The following UBA2 variants were observed in gnomAD, a reference collection of about 807,000 sequenced individuals.
The protein encoded by UBA2 is SUMO-activating enzyme subunit 2.
A neutral mutation model predicts 77.2 loss-of-function variants in UBA2; 11 were observed. The ratio of observed to expected loss-of-function variants is 0.14; its 90% CI spans 0.09 to 0.24. The LOEUF (loss-of-function observed/expected upper bound fraction) is 0.24, where lower values mean the gene tolerates loss of function less well. Among genes scored for constraint, UBA2 ranks in the 10% least tolerant of loss-of-function variants. UBA2 has a pLI of 1.00. For missense variants in UBA2, 487 were observed against 781.7 expected (o/e 0.62, Z 4.50); for synonymous variants, 278 against 276.7 (o/e 1.00, Z -0.05).
At chr19:34,458,412 T>C (rs1198393195) in intron 12 of UBA2, among the ~76,000 whole-genome samples, 2 of 150,890 alleles carry the variant, frequency 1.3e-5, no homozygotes, top group Non-Finnish European at 3.0e-5. Flanking sequence ...TACAAAAAAT[T>C]AGCCGGGCGA....
intron 6 of UBA2, among the ~76,000 whole-genome samples, chr19:34,441,227 G>A (rs1463117386): frequency 1.3e-5 from 2 of 151,980 alleles, no homozygotes; most frequent in Non-Finnish European, 2.9e-5. Context: ...AGGCTGAGGC[G>A]AGCGGATCAC....
chr19:34,444,684 G>C (rs142594825), intron 7 of UBA2, among the ~76,000 whole-genome samples: 87 of 152,320 alleles, frequency 5.7e-4, no homozygotes, highest in Non-Finnish European at 9.4e-4. Context: ...GTGCATACCT[G>C]TAGTCCCAAC....
chr19:34,456,339 C>T (rs2145551761), intron 12 of UBA2, among the ~76,000 whole-genome samples: 1 of 151,380 alleles, frequency 6.6e-6, no homozygotes, highest in Middle Eastern at 3.4e-3. Context: ...GTCTCAAACT[C>T]CTGGCCTGAA....
Position 34,460,570 on chromosome 19 carries a change from T to C in UBA2, c.1498+4T>C. 1.3e-6 allele frequency: 2 copies of C among 1,585,322 alleles called. No homozygotes were observed. Among genetic ancestry groups the C allele is most frequent in the East Asian group, 2.2e-5 (1 of 44,664 alleles). ...TCCGAAGAGGGAGAGACGGAAGGTA[T>C]CATACATTGTATTTATTCATTCCTC... On this transcript the variant is annotated splice_donor_region_variant and intron_variant, in intron 14 of 16. Coordinates refer to ENST00000246548, the MANE Select transcript of UBA2 (RefSeq NM_005499.3).
chr19:34,455,914 A>G (rs1205060698), intron 12 of UBA2, among the ~76,000 whole-genome samples: 1 of 151,230 alleles, frequency 6.6e-6, no homozygotes, highest in Non-Finnish European at 1.5e-5. Context: ...TGCTGGGATT[A>G]CAGGCATACA....
intron 12 of UBA2, among the ~76,000 whole-genome samples, chr19:34,456,603 G>A (rs899751041): frequency 1.3e-5 from 2 of 151,240 alleles, no homozygotes; most frequent in African/African-American, 4.9e-5. Flanking sequence ...TGTCACCCAG[G>A]CTAGAGTGCA....
chr19:34,445,619 G>A (rs1376112724), intron 8 of UBA2, among the ~76,000 whole-genome samples: 2 of 151,972 alleles, frequency 1.3e-5, no homozygotes, highest in African/African-American at 2.4e-5. Context: ...TGTATTTTTA[G>A]TAGAAGCGGG....
intron 12 of UBA2, among the ~76,000 whole-genome samples, chr19:34,457,368 A>C (rs2075579965): frequency 6.6e-6 from 1 of 151,638 alleles, no homozygotes; most frequent in Admixed American, 6.6e-5. Flanking sequence ...CTCTGCCTCA[A>C]GAAAAAATAT....
chr19:34,443,497 A>C (rs1049749046), intron 6 of UBA2, among the ~76,000 whole-genome samples: 1 of 142,038 alleles, frequency 7.0e-6, no homozygotes, highest in Non-Finnish European at 1.5e-5. Flanking sequence ...GCCGGAGTGC[A>C]GTTGTGCAGT....
chr19:34,458,032 C>G (rs763935686), intron 12 of UBA2, among the ~76,000 whole-genome samples: 1 of 152,226 alleles, frequency 6.6e-6, no homozygotes, highest in African/African-American at 2.4e-5. Context: ...GTGAAAGGCA[C>G]TATCGTTAAC....
intron 16 of UBA2, among the ~76,000 whole-genome samples, chr19:34,467,628 T>G (rs886371799): frequency 6.6e-6 from 1 of 152,022 alleles, no homozygotes; most frequent in Non-Finnish European, 1.5e-5. Flanking sequence ...TACAAAAAAT[T>G]AGCTGGGCGT....
At chr19:34,428,658 T>G in intron 1 of UBA2, 88 bp downstream of exon 1, 6 of 743,260 alleles carry the variant, frequency 8.1e-6, no homozygotes, top group East Asian at 9.1e-5. Context: ...GCTCTGAGGC[T>G]CAGGGCCCGG....
intron 12 of UBA2, among the ~76,000 whole-genome samples, chr19:34,457,760 G>A (rs2145555406): frequency 6.6e-6 from 1 of 152,280 alleles, no homozygotes; most frequent in African/African-American, 2.4e-5. Flanking sequence ...TTGTGTCTCA[G>A]CTTCTTGTCT....
chr19:34,453,813 G>A (rs1216392777), intron 10 of UBA2, among the ~76,000 whole-genome samples: 1 of 152,068 alleles, frequency 6.6e-6, no homozygotes, highest in East Asian at 1.9e-4. Context: ...ACAGGCATGA[G>A]CCACCATGCC....
At chr19:34,441,643 G>A (rs2075370785) in intron 6 of UBA2, among the ~76,000 whole-genome samples, 1 of 152,116 alleles carries the variant, frequency 6.6e-6, no homozygotes, top group Non-Finnish European at 1.5e-5. Context: ...ACTACACTTG[G>A]AAGCTTTATT....
intron 1 of UBA2, 124 bp downstream of exon 1, chr19:34,428,694 G>A (rs1033345360): frequency 5.8e-6 from 7 of 1,208,530 alleles, no homozygotes; most frequent in Non-Finnish European, 7.2e-6. Context: ...TTGCGGAGCG[G>A]GGGCAGGCTG....
intron 14 of UBA2, among the ~76,000 whole-genome samples, chr19:34,461,319 G>A (rs2075628919): frequency 6.6e-6 from 1 of 152,122 alleles, no homozygotes; most frequent in Non-Finnish European, 1.5e-5. Context: ...GGTCCTGATG[G>A]CGATTCAGAT....
chr19:34,453,798 A>G (rs115698911), intron 10 of UBA2, among the ~76,000 whole-genome samples: 14,548 of 151,990 alleles, frequency 0.096, 1,145 homozygotes, highest in African/African-American at 0.21. Flanking sequence ...AAATTGCTTG[A>G]GACTACAGGC....
At chr19:34,460,632 GATTC>G (rs2075620897) in intron 14 of UBA2, 66 bp downstream of exon 14, 1 of 1,161,026 alleles carries the variant, frequency 8.6e-7, no homozygotes, top group Admixed American at 2.4e-5. Flanking sequence ...CACATTAGTT[GATTC>G]ATTTACTGTA....
Sources: gnomAD v4.1 joint callset for allele counts (sites outside exome capture counted in the v4.1 genomes callset) on GRCh38, gnomAD v4.1.1 for gene constraint, MANE v1.5 for transcripts, NCBI Gene and HGNC (gene_info 2026-07-23, HGNC 2026-07-21) for gene names.